Variants in TBL1X observed in about 807,000 individuals in gnomAD.
TBL1X encodes transducin beta like 1 X-linked.
In TBL1X, 10 loss-of-function variants were observed where a neutral mutation model predicts 50.7. The ratio of observed to expected loss-of-function variants is 0.20; its 90% CI spans 0.12 to 0.33. TBL1X has a LOEUF of 0.33. Ranked by LOEUF, TBL1X falls within the 10% of genes least tolerant of loss-of-function variation. TBL1X has a pLI of 1.00. For synonymous variants in TBL1X, 190 were observed against 214.7 expected (o/e 0.88, Z 1.01); for missense variants, 340 against 504.4 (o/e 0.67, Z 3.12).
chrX:9,632,858 C>T (rs1163080142), intron 2 of TBL1X, among the ~76,000 whole-genome samples: 3 of 111,673 alleles, frequency 2.7e-5, no homozygotes, highest in Non-Finnish European at 5.6e-5. Flanking sequence ...TATGGGAGTG[C>T]TCCAGTAGTA....
intron 2 of TBL1X, among the ~76,000 whole-genome samples, chrX:9,505,249 A>T (rs1285904227): frequency 1.8e-5 from 2 of 112,073 alleles, no homozygotes; most frequent in Non-Finnish European, 3.8e-5. Flanking sequence ...GCAAATGCTG[A>T]GGGATTTTGT....
rs779516966 is a variant in TBL1X at position 9,581,196 on chromosome X, A to G, written c.-130-59077A>G. Reference sequence around the variant, plus strand: ...AGTGAGAACCTCACAGAACCCTTTCACGTGCAGCCCGATGCTGTCACTGTT... The same window carrying G: ...AGTGAGAACCTCACAGAACCCTTTCGCGTGCAGCCCGATGCTGTCACTGTT... On this transcript the variant is annotated intron_variant, in intron 2 of 17. Coordinates refer to ENST00000645353, the MANE Select transcript of TBL1X (RefSeq NM_005647.4). 5.2e-4 allele frequency among the ~76,000 whole-genome samples: 59 copies of G among 112,550 alleles called. 1 individual carries two copies. Among genetic ancestry groups the G allele is most frequent in the Middle Eastern group, 4.6e-3 (1 of 218 alleles).
At chrX:9,709,171 G>A (rs933593377) in intron 13 of TBL1X, 77 bp from the exon 14 acceptor site, 4 of 1,044,121 alleles carry the variant, frequency 3.8e-6, no homozygotes, top group Non-Finnish European at 5.3e-6. Context: ...GTGGCGCGCT[G>A]CTGCCCCCTG....
chrX:9,709,276 C>T lies in TBL1X; in HGVS notation c.1265C>T (p.Pro422Leu), dbSNP rs1223139822. 1 of 1,211,626 alleles carries T rather than the reference C, an allele frequency of 8.3e-7. No homozygotes were observed. The highest frequency in any genetic ancestry group is 1.8e-5 in the South Asian group (1 of 56,947). Reference sequence around the variant, plus strand: ...GAGGTCAACGCCATCAAATGGGATCCGTCTGGAATGTTGCTGGCATCCTGC... The same window carrying T: ...GAGGTCAACGCCATCAAATGGGATCTGTCTGGAATGTTGCTGGCATCCTGC... The part of the protein sequence containing the change: ...TNEVNAIKWD[P>L]SGMLLASCSD... Residue 422 changes from proline (P) to leucine (L), a missense_variant, in exon 14 of 18, where the codon CCG (proline) becomes CTG (leucine). By Grantham distance (98) the Pro-to-Leu change is moderately conservative. Coordinates refer to ENST00000645353, the MANE Select transcript of TBL1X (RefSeq NM_005647.4).
intron 2 of TBL1X, among the ~76,000 whole-genome samples, chrX:9,585,328 A>ACCCCCCCCCCCCCCCCCCCCCCCCCC (rs1262756915): frequency 1.8e-5 from 1 of 54,642 alleles, no homozygotes; most frequent in Non-Finnish European, 3.3e-5. Context: ...GCTCCATGCC[A>ACCCCCCCCCCCCCCCCCCCCCCCCCC]CCCCCCTCCC....
At chrX:9,565,271 CAAAA>C (rs757679440) in intron 2 of TBL1X, among the ~76,000 whole-genome samples, 2 of 37,399 alleles carry the variant, frequency 5.3e-5, no homozygotes, top group Non-Finnish European at 8.8e-5. Context: ...GACTCCGTCT[CAAAA>C]AAAAAAAAAA....
intron 2 of TBL1X, among the ~76,000 whole-genome samples, chrX:9,508,115 C>T (rs1161948621): frequency 5.3e-5 from 6 of 112,334 alleles, no homozygotes; most frequent in Admixed American, 1.9e-4. Flanking sequence ...AACTAAAGAG[C>T]TTCTGCTCAG....
intron 2 of TBL1X, among the ~76,000 whole-genome samples, chrX:9,505,698 CAAAG>C (rs1196217643): frequency 2.7e-5 from 3 of 111,864 alleles, no homozygotes; most frequent in Non-Finnish European, 3.8e-5. Flanking sequence ...TAAAAACAGA[CAAAG>C]AAGGGCATTA....
intron 2 of TBL1X, 24 bp downstream of exon 2, chrX:9,501,873 T>A (rs982951036): frequency 9.0e-6 from 1 of 111,176 alleles, no homozygotes; most frequent in African/African-American, 3.3e-5. Context: ...TACTTCCCTC[T>A]TCTTGCCTCG....
In TBL1X at chrX:9,541,040, C is replaced by T. The variant is rs187679040; in HGVS notation, c.-131+39191C>T. Among the ~76,000 whole-genome samples, 340 of 111,632 alleles carry T rather than the reference C, an allele frequency of 3.0e-3. 2 individuals carry two copies. Among genetic ancestry groups the T allele is most frequent in the African/African-American group, 1.0e-2 (306 of 30,737 alleles). On this transcript the variant is annotated intron_variant, in intron 2 of 17. Transcript: ENST00000645353. ...AAGTAGTAAGCAAAGAGATTTCACTCGCCAGGGAAAAGAAGGAGCCTGCAA... is the reference window on the plus strand; with the variant it reads ...AAGTAGTAAGCAAAGAGATTTCACTTGCCAGGGAAAAGAAGGAGCCTGCAA...
At chrX:9,621,301 T>C (rs2082665759) in intron 2 of TBL1X, among the ~76,000 whole-genome samples, 2 of 112,008 alleles carry the variant, frequency 1.8e-5, no homozygotes, top group Admixed American at 1.9e-4. Flanking sequence ...AAGATGCCTT[T>C]CAGAAACTCA....
intron 2 of TBL1X, among the ~76,000 whole-genome samples, chrX:9,518,691 G>A (rs750562311): frequency 2.5e-4 from 28 of 111,140 alleles, no homozygotes; most frequent in African/African-American, 9.2e-4. Flanking sequence ...TGGGTCATCT[G>A]AAAGATGACC....
intron 5 of TBL1X, among the ~76,000 whole-genome samples, chrX:9,677,880 C>T (rs748994275): frequency 8.9e-6 from 1 of 111,870 alleles, no homozygotes; most frequent in East Asian, 2.8e-4. Context: ...CATTGAATTC[C>T]ACCTGTCCAT....
chrX:9,572,854 T>C (rs1314468773), intron 2 of TBL1X, among the ~76,000 whole-genome samples: 1 of 112,410 alleles, frequency 8.9e-6, no homozygotes, highest in East Asian at 2.8e-4. Context: ...CAAAGTTTGA[T>C]TTGATTTTTG....
intron 1 of TBL1X, among the ~76,000 whole-genome samples, chrX:9,481,178 C>T (rs1474998702): frequency 1.8e-5 from 2 of 111,443 alleles, no homozygotes; most frequent in African/African-American, 6.5e-5. Context: ...TTAAAATAGA[C>T]GAAAAAGCTT....
intron 2 of TBL1X, among the ~76,000 whole-genome samples, chrX:9,554,241 GA>G (rs765509168): frequency 5.0e-4 from 56 of 112,563 alleles, no homozygotes; most frequent in African/African-American, 1.7e-3. Flanking sequence ...TGTGACAACA[GA>G]AAATTGAATT....
chrX:9,543,451 C>T (rs1389729813), intron 2 of TBL1X, among the ~76,000 whole-genome samples: 3 of 110,620 alleles, frequency 2.7e-5, no homozygotes, highest in Non-Finnish European at 5.7e-5. Context: ...GGCTTCTTCC[C>T]CCGCCCCTCC....
In TBL1X at chrX:9,715,208, C is replaced by T. The variant is rs16985668; in HGVS notation, c.1707+205C>T. The stretch of plus-strand genomic sequence containing the variant: ...CCTTCCAGAGTGTCCTTCTAGTCAA[C>T]ATTTTCTCAGTCAAATTGGTGGTTC... On this transcript the variant is annotated intron_variant, in intron 17 of 17. Coordinates refer to ENST00000645353, the MANE Select transcript of TBL1X (RefSeq NM_005647.4). Among the ~76,000 whole-genome samples, 9,470 of 111,897 alleles carry T rather than the reference C, an allele frequency of 0.085. 426 individuals carry two copies. Among genetic ancestry groups the T allele is most frequent in the African/African-American group, 0.17 (5,124 of 30,689 alleles).
chrX:9,600,086 C>G (rs776719162), intron 2 of TBL1X, among the ~76,000 whole-genome samples: 135 of 112,043 alleles, frequency 1.2e-3, no homozygotes, highest in African/African-American at 4.2e-3. Context: ...CGCTCACTCA[C>G]TAGGACTTCC....
Sources: gnomAD v4.1 joint callset for allele counts (sites outside exome capture counted in the v4.1 genomes callset) on GRCh38, gnomAD v4.1.1 for gene constraint, MANE v1.5 for transcripts, NCBI Gene and HGNC (gene_info 2026-07-23, HGNC 2026-07-21) for gene names.